GRID2: variants seen among roughly 807,000 people sequenced by gnomAD.
GRID2 encodes glutamate receptor ionotropic, delta-2.
GRID2 carries 33 observed loss-of-function variants against 114.8 expected under a neutral mutation model. The ratio of observed to expected loss-of-function variants is 0.29; its 90% CI spans 0.22 to 0.38. GRID2 has a LOEUF of 0.38. GRID2 is among the 10% of genes least tolerant of loss of function. The pLI is 1.00. For missense variants in GRID2, 1,184 were observed against 1,257.7 expected, an observed-to-expected ratio of 0.94 and a Z score of 0.89; for synonymous variants, 505 against 449.9, an observed-to-expected ratio of 1.12 and a Z score of -1.55.
chr4:92,762,596 A>G (rs1738073212), intron 2 of GRID2, among the ~76,000 whole-genome samples: 2 of 152,206 alleles, frequency 1.3e-5, no homozygotes, highest in African/African-American at 4.8e-5. Flanking sequence ...ATATGATACC[A>G]TAAACCCTAG....
chr4:93,726,544 G>A (rs1729915579), intron 14 of GRID2, among the ~76,000 whole-genome samples: 1 of 152,084 alleles, frequency 6.6e-6, no homozygotes, highest in Non-Finnish European at 1.5e-5. Context: ...AGCTTGATGG[G>A]GATAGCATTG....
At chr4:92,811,068 C>A (rs1740644608) in intron 2 of GRID2, among the ~76,000 whole-genome samples, 1 of 152,146 alleles carries the variant, frequency 6.6e-6, no homozygotes. Flanking sequence ...CAGGCATGAA[C>A]TGCTGTGCCT....
chr4:92,599,337 G>A (rs1579655826), intron 2 of GRID2, among the ~76,000 whole-genome samples: 1 of 152,212 alleles, frequency 6.6e-6, no homozygotes, highest in East Asian at 1.9e-4. Context: ...GAGCAACATA[G>A]TGTTGTAGGA....
At chr4:92,433,718 T>C (rs1210296548) in intron 1 of GRID2, among the ~76,000 whole-genome samples, 1 of 152,230 alleles carries the variant, frequency 6.6e-6, no homozygotes, top group Non-Finnish European at 1.5e-5. Flanking sequence ...TTGTATCTTA[T>C]GGAGGTGCTT....
chr4:93,030,558 T>C (rs1360692038), intron 2 of GRID2, among the ~76,000 whole-genome samples: 1 of 151,846 alleles, frequency 6.6e-6, no homozygotes, highest in Non-Finnish European at 1.5e-5. Context: ...CTAATTTTTG[T>C]ATTTTTAGTA....
chr4:92,396,733 A>G (rs776938762), intron 1 of GRID2, among the ~76,000 whole-genome samples: 6 of 152,094 alleles, frequency 3.9e-5, no homozygotes, highest in African/African-American at 7.2e-5. Flanking sequence ...CTTACTCTTT[A>G]TTATCATCCA....
chr4:92,588,256 T>C (rs1728544368), intron 1 of GRID2, among the ~76,000 whole-genome samples: 1 of 152,120 alleles, frequency 6.6e-6, no homozygotes, highest in Non-Finnish European at 1.5e-5. Context: ...AAGCATTATC[T>C]GGTTCAGAAA....
chr4:92,527,701 A>T (rs1327506491), intron 1 of GRID2, among the ~76,000 whole-genome samples: 1 of 151,972 alleles, frequency 6.6e-6, no homozygotes, highest in African/African-American at 2.4e-5. Flanking sequence ...TGTTAGTAGC[A>T]TAAGACAAAC....
chr4:92,639,750 C>G (rs1036501418), intron 2 of GRID2, among the ~76,000 whole-genome samples: 1 of 151,522 alleles, frequency 6.6e-6, no homozygotes. Context: ...TGTAATGTAA[C>G]AAAATTACAC....
chr4:92,972,313 T>C (rs1172558414), intron 2 of GRID2, among the ~76,000 whole-genome samples: 1 of 152,054 alleles, frequency 6.6e-6, no homozygotes, highest in African/African-American at 2.4e-5. Flanking sequence ...ACAGCATTTT[T>C]CCCTATACTT....
At chr4:92,908,777 A>G (rs1748153882) in intron 2 of GRID2, among the ~76,000 whole-genome samples, 1 of 152,182 alleles carries the variant, frequency 6.6e-6, no homozygotes, top group Admixed American at 6.5e-5. Flanking sequence ...ATTTATGAAC[A>G]GACATACTTT....
chr4:93,326,889 C>A (rs1757893065), intron 8 of GRID2, among the ~76,000 whole-genome samples: 1 of 152,158 alleles, frequency 6.6e-6, no homozygotes, highest in Non-Finnish European at 1.5e-5. Flanking sequence ...TTTTAAAATA[C>A]TGGATCTGGT....
At chr4:93,591,030 A>G (rs1738222889) in intron 13 of GRID2, among the ~76,000 whole-genome samples, 1 of 150,886 alleles carries the variant, frequency 6.6e-6, no homozygotes, top group South Asian at 2.1e-4. Context: ...CTCTTTTCCT[A>G]ATTGAATACC....
At chr4:93,103,602 C>T (rs1356362397) in intron 3 of GRID2, among the ~76,000 whole-genome samples, 3 of 151,980 alleles carry the variant, frequency 2.0e-5, no homozygotes, top group Admixed American at 2.0e-4. Flanking sequence ...ACATCAGGGA[C>T]GATATGCTTA....
At chr4:93,125,794 T>C (rs1734212238) in intron 4 of GRID2, among the ~76,000 whole-genome samples, 1 of 152,074 alleles carries the variant, frequency 6.6e-6, no homozygotes, top group African/African-American at 2.4e-5. Context: ...GAAGGGTGGG[T>C]TTAGAACTGA....
chr4:92,861,339 T>A (rs1397866266), intron 2 of GRID2, among the ~76,000 whole-genome samples: 1 of 152,092 alleles, frequency 6.6e-6, no homozygotes, highest in East Asian at 1.9e-4. Context: ...TTATATAACC[T>A]AATCATAGGA....
At chr4:93,329,802 A>G (rs1282701824) in intron 8 of GRID2, among the ~76,000 whole-genome samples, 1 of 152,126 alleles carries the variant, frequency 6.6e-6, no homozygotes, top group Non-Finnish European at 1.5e-5. Context: ...TATCTTGGCA[A>G]GACATTGGGT....
At chr4:92,879,063 G>C (rs1473125659) in intron 2 of GRID2, among the ~76,000 whole-genome samples, 1 of 152,052 alleles carries the variant, frequency 6.6e-6, no homozygotes, top group Non-Finnish European at 1.5e-5. Flanking sequence ...ACATCAAACT[G>C]TTAAAAGCAT....
At chr4:93,448,284 T>C (rs1246102000) in intron 10 of GRID2, among the ~76,000 whole-genome samples, 7 of 151,792 alleles carry the variant, frequency 4.6e-5, no homozygotes, top group Admixed American at 2.0e-4. Context: ...TTTTTAAATA[T>C]TGAGGTTAAA....
Sources: gnomAD v4.1 joint callset for allele counts (sites outside exome capture counted in the v4.1 genomes callset) on GRCh38, gnomAD v4.1.1 for gene constraint, MANE v1.5 for transcripts, NCBI Gene and HGNC (gene_info 2026-07-23, HGNC 2026-07-21) for gene names.